Variants in PTPRK observed in about 807,000 individuals in gnomAD.
PTPRK encodes receptor-type tyrosine-protein phosphatase kappa.
PTPRK carries 75 observed loss-of-function variants against 178.0 expected under a neutral mutation model. The observed-to-expected ratio is 0.42, with a 90% CI of 0.35 to 0.51. PTPRK has a LOEUF of 0.51. Among genes scored for constraint, PTPRK ranks in the 20% least tolerant of loss-of-function variants. PTPRK has a pLI of 0.02. For missense variants in PTPRK, 1,441 were observed against 1,797.8 expected, an observed-to-expected ratio of 0.80 and a Z score of 3.59; for synonymous variants, 637 against 620.6, an observed-to-expected ratio of 1.03 and a Z score of -0.39.
chr6:128,264,639 C>A (rs1191054005), intron 3 of PTPRK, among the ~76,000 whole-genome samples: 1 of 152,066 alleles, frequency 6.6e-6, no homozygotes, highest in Non-Finnish European at 1.5e-5. Flanking sequence ...CAGGCATGCA[C>A]CACCATACCT....
At chr6:128,109,541 CA>C (rs1790297292) in intron 7 of PTPRK, among the ~76,000 whole-genome samples, 1 of 152,038 alleles carries the variant, frequency 6.6e-6, no homozygotes. Flanking sequence ...AGTCCAGTGT[CA>C]AAATATAATG....
chr6:128,504,723 C>A (rs546670785), intron 1 of PTPRK, among the ~76,000 whole-genome samples: 1 of 152,216 alleles, frequency 6.6e-6, no homozygotes, highest in African/African-American at 2.4e-5. Context: ...TTGTCCGATA[C>A]CCTAGTGCAA....
intron 8 of PTPRK, among the ~76,000 whole-genome samples, chr6:128,087,344 A>G (rs1295394563): frequency 2.0e-5 from 3 of 152,146 alleles, no homozygotes; most frequent in Non-Finnish European, 4.4e-5. Context: ...AGGGTAGGCA[A>G]TAAAACATGT....
At chr6:128,297,181 T>C (rs1824600981) in intron 3 of PTPRK, among the ~76,000 whole-genome samples, 1 of 152,040 alleles carries the variant, frequency 6.6e-6, no homozygotes, top group Non-Finnish European at 1.5e-5. Context: ...CTAACTATCC[T>C]AAATATATAT....
At chr6:128,443,616 A>G (rs1236716949) in intron 1 of PTPRK, among the ~76,000 whole-genome samples, 1 of 152,188 alleles carries the variant, frequency 6.6e-6, no homozygotes, top group Non-Finnish European at 1.5e-5. Flanking sequence ...TTATTAAACT[A>G]AATACAGCTT....
rs1828910049 is a variant in PTPRK, at chr6:128,322,308, A to T, written c.226T>A (p.Ser76Thr). ...TCTGAAGAGTCCACTATCATATAGG[A>T]ACCTGAAATGACATTACAAATAATA... ...HYLPPEMPQG[S>T]YMIVDSSDHD... The change falls in exon 3 of 30, where the codon TCC (serine) becomes ACC (threonine). Residue 76 changes from serine to threonine, a missense_variant and splice_region_variant. By Grantham distance (58) the Ser-to-Thr change is moderately conservative. Around this residue, in one of 4 missense-constraint regions of PTPRK, gnomAD observed 158 missense variants for 188.0 expected, o/e 0.84. Transcript: ENST00000368226. 6.4e-7 allele frequency: 1 copy of T among 1,566,272 alleles called. No individual in the cohort carries two copies. The highest frequency in any genetic ancestry group is 1.7e-5 in the Admixed American group (1 of 59,196).
chr6:128,151,726 T>C (rs1024165552), intron 7 of PTPRK, among the ~76,000 whole-genome samples: 1 of 151,966 alleles, frequency 6.6e-6, no homozygotes, highest in African/African-American at 2.4e-5. Flanking sequence ...ATTTAACTAC[T>C]AGAAGGTTAT....
intron 5 of PTPRK, among the ~76,000 whole-genome samples, chr6:128,234,661 T>C (rs1484811634): frequency 2.6e-5 from 4 of 152,216 alleles, no homozygotes; most frequent in African/African-American, 9.6e-5. Flanking sequence ...AGCAGTTCAT[T>C]CTTTTATTGC....
At chr6:128,259,825 A>G (rs1476845616) in intron 3 of PTPRK, among the ~76,000 whole-genome samples, 1 of 152,206 alleles carries the variant, frequency 6.6e-6, no homozygotes, top group African/African-American at 2.4e-5. Flanking sequence ...TTTCATTTAA[A>G]GAAAGTTAAA....
intron 2 of PTPRK, chr6:128,340,816 T>G: frequency 2.1e-6 from 1 of 471,914 alleles, no homozygotes. Flanking sequence ...TTGATCATAA[T>G]GAAACATCAT....
chr6:127,985,713 C>T lies in PTPRK; in HGVS notation c.3251+8G>A. 1 of 1,608,094 alleles carries T rather than the reference C, an allele frequency of 6.2e-7. No homozygotes were observed. Among genetic ancestry groups the T allele is most frequent in the African/African-American group, 1.3e-5 (1 of 74,932 alleles). On this transcript the variant is annotated splice_region_variant and intron_variant, in intron 22 of 29. Coordinates refer to ENST00000368226, the MANE Select transcript of PTPRK (RefSeq NM_002844.4). Reference sequence around the variant, plus strand: ...CATACAGTCAATACCATTTGGACCACCACTTACCTGCAATGTACAACGATG... The same window carrying T: ...CATACAGTCAATACCATTTGGACCATCACTTACCTGCAATGTACAACGATG...
At chr6:128,517,189 T>A (rs978913020) in intron 1 of PTPRK, among the ~76,000 whole-genome samples, 1 of 152,042 alleles carries the variant, frequency 6.6e-6, no homozygotes, top group African/African-American at 2.4e-5. Context: ...CTAAGGCACT[T>A]AATGATGATT....
At chr6:128,464,907 C>A (rs1406046517) in intron 1 of PTPRK, among the ~76,000 whole-genome samples, 1 of 150,376 alleles carries the variant, frequency 6.6e-6, no homozygotes, top group African/African-American at 2.4e-5. Context: ...ACAGAGGTCA[C>A]AAAGGCTATG....
intron 7 of PTPRK, among the ~76,000 whole-genome samples, chr6:128,179,501 C>T (rs922209182): frequency 6.6e-6 from 1 of 151,796 alleles, no homozygotes; most frequent in Non-Finnish European, 1.5e-5. Context: ...ATAGCATTGC[C>T]TTTTAAATTT....
chr6:128,329,523 A>T (rs1344035146), intron 2 of PTPRK, among the ~76,000 whole-genome samples: 1 of 152,120 alleles, frequency 6.6e-6, no homozygotes, highest in African/African-American at 2.4e-5. Context: ...GAAACAGGAC[A>T]GTCAATGGTA....
At chr6:128,080,853 T>C (rs964847715) in intron 10 of PTPRK, among the ~76,000 whole-genome samples, 1 of 152,068 alleles carries the variant, frequency 6.6e-6, no homozygotes, top group African/African-American at 2.4e-5. Context: ...ATAAAGTGAT[T>C]GCAACCAAGT....
intron 7 of PTPRK, among the ~76,000 whole-genome samples, chr6:128,179,103 A>G (rs1287164605): frequency 6.6e-6 from 1 of 151,976 alleles, no homozygotes; most frequent in Non-Finnish European, 1.5e-5. Context: ...ACCCAAAAAT[A>G]TCATTAATGT....
At chr6:128,506,039 AC>A (rs1856286333) in intron 1 of PTPRK, among the ~76,000 whole-genome samples, 1 of 150,326 alleles carries the variant, frequency 6.7e-6, no homozygotes, top group Admixed American at 6.5e-5. Flanking sequence ...GAATTCATAA[AC>A]ACGTTCTAAA....
intron 5 of PTPRK, among the ~76,000 whole-genome samples, chr6:128,229,978 C>CAA (rs112052903): frequency 6.6e-6 from 1 of 151,852 alleles, no homozygotes; most frequent in African/African-American, 2.4e-5. Flanking sequence ...ATAAGACACA[C>CAA]AAAAAAATGA....
Sources: allele counts gnomAD v4.1 joint callset (sites outside exome capture counted in the v4.1 genomes callset), GRCh38; gene constraint gnomAD v4.1.1; regional missense constraint gnomAD v4.1.1; transcripts MANE v1.5; gene names NCBI Gene and HGNC (gene_info 2026-07-23, HGNC 2026-07-21).